The following ADGRB1 variants were observed in gnomAD, a reference collection of about 807,000 sequenced individuals.
The protein encoded by ADGRB1 is adhesion G protein-coupled receptor B1, also known as brain-specific angiogenesis inhibitor 1.
Under a neutral mutation model 175.7 loss-of-function variants are expected in ADGRB1, and 36 were observed. The ratio of observed to expected loss-of-function variants is 0.20; its 90% confidence interval spans 0.16 to 0.27. The LOEUF (loss-of-function observed/expected upper bound fraction) is 0.27. Ranked by LOEUF, ADGRB1 falls within the 10% of genes least tolerant of loss-of-function variation. The probability of loss-of-function intolerance (pLI) is 1.00; values close to 1 mark genes in which losing one functional copy is unlikely to be tolerated. For missense variants in ADGRB1, 1,731 were observed against 2,255.3 expected, an observed-to-expected ratio of 0.77 and a Z score of 4.71; for synonymous variants, 1,054 against 979.4, an observed-to-expected ratio of 1.08 and a Z score of -1.42.
In ADGRB1 at chr8:142,477,181, G is replaced by T; in HGVS notation, c.1125G>T (p.Gln375His). The change falls in exon 5 of 31, where the codon CAG becomes CAT. Residue 375 changes from glutamine to histidine, a missense_variant. Gln to His is a conservative substitution (Grantham distance 24). Coordinates refer to ENST00000517894, the MANE Select transcript of ADGRB1 (RefSeq NM_001702.3). ...VCSSTCGEGW[Q>H]TRTRFCVSSS... Reference sequence around the variant, plus strand: ...CCAGCACCTGCGGCGAGGGCTGGCAGACCCGCACGCGCTTCTGCGTGTCCT... The same window carrying T: ...CCAGCACCTGCGGCGAGGGCTGGCATACCCGCACGCGCTTCTGCGTGTCCT... 1 of 1,596,752 alleles carries T rather than the reference G, an allele frequency of 6.3e-7. No homozygotes were observed.
intron 11 of ADGRB1, 45 bp downstream of exon 11, chr8:142,481,756 G>C (rs1158843112): frequency 6.8e-7 from 1 of 1,461,650 alleles, no homozygotes; most frequent in South Asian, 1.4e-5. Flanking sequence ...TCGGGAAGGT[G>C]TCTGGGGAGC....
At position 142,542,693 on chromosome 8, in the gene ADGRB1, G is replaced by C. The variant is rs1490201701; in HGVS notation, c.4413+46G>C. On this transcript the variant is annotated intron_variant, in intron 28 of 30. Transcript: ENST00000517894. This position sits in a 1 kb window ranked among gnomAD's most constrained non-coding sequence, Gnocchi z 6.3. ...CCACACCCCAGCCAGCGAGGGCAGG[G>C]CTGCAGCAGCTGGGTCACCCCTGCT... The C allele has an allele frequency of 5.4e-6, 8 of 1,482,140 alleles. No homozygotes were observed. The highest frequency in any genetic ancestry group is 7.2e-6 in the Non-Finnish European group (8 of 1,106,370). The allele number at this position is 1,482,140 out of a possible 1,614,324, so 91.8% of individuals were successfully genotyped here.
Position 142,542,576 on chromosome 8 carries a change from C to T in ADGRB1, c.4342C>T (p.His1448Tyr). Reference protein sequence around the residue: ...SLGDPGEPAAHPGPSTGPSTK... With the variant: ...SLGDPGEPAAYPGPSTGPSTK... ...GGGGGATCCCGGGGAGCCTGCCGCC[C>T]ATCCGGGACCCAGCACGGGGCCCAG... Residue 1448 changes from histidine to tyrosine, a missense_variant, in exon 28 of 31, where the codon CAT becomes TAT. Physicochemically the swap from His to Tyr is moderately conservative, Grantham distance 83 (BLOSUM62 2). This residue lies in a region of ADGRB1 where 394 missense variants were observed against 410.2 expected (regional missense o/e 0.96). Coordinates refer to ENST00000517894, the MANE Select transcript of ADGRB1 (RefSeq NM_001702.3). The surrounding 1 kb of genome is among the most constrained non-coding windows in gnomAD (Gnocchi z 6.3). 2.6e-6 allele frequency: 4 copies of T among 1,535,012 alleles called. No homozygotes were observed. Among genetic ancestry groups the T allele is most frequent in the Non-Finnish European group, 3.5e-6 (4 of 1,140,864 alleles).
At chr8:142,454,881 T>C (rs1839570978) in intron 1 of ADGRB1, among the ~76,000 whole-genome samples, 2 of 152,126 alleles carry the variant, frequency 1.3e-5, no homozygotes, top group Non-Finnish European at 2.9e-5. Context: ...CACAGAGCCC[T>C]GGTCCTCTTG....
At chr8:142,539,285 A>T in intron 26 of ADGRB1, 89 bp from the exon 27 acceptor site, 1 of 1,358,370 alleles carries the variant, frequency 7.4e-7, no homozygotes, top group Non-Finnish European at 1.0e-6. Flanking sequence ...CAGCAGGAGC[A>T]CCGTGGCCCT....
intron 27 of ADGRB1, 103 bp downstream of exon 27, chr8:142,539,516 C>G: frequency 7.2e-7 from 1 of 1,381,114 alleles, no homozygotes; most frequent in African/African-American, 1.4e-5. Flanking sequence ...TCCCTGTCCA[C>G]TCCTGCTGCC....
chr8:142,539,598 A>AC (rs1326617410), intron 27 of ADGRB1, 185 bp downstream of exon 27: 1 of 664,222 alleles, frequency 1.5e-6, no homozygotes, highest in African/African-American at 1.9e-5. Flanking sequence ...CCAGCCTTCC[A>AC]CCCCCGTCCA....
At position 142,496,896 on chromosome 8, in the gene ADGRB1, C is replaced by T. The variant is rs571075430; in HGVS notation, c.2675+6081C>T. On this transcript the variant is annotated intron_variant, in intron 17 of 30. Coordinates refer to ENST00000517894, the MANE Select transcript of ADGRB1 (RefSeq NM_001702.3). ...ATGACCTGAGAAGTCCTGCAGGAGA[C>T]TCCTGTCCAACTGGGCTGGGAGTTT... Among the ~76,000 whole-genome samples the T allele has an allele frequency of 1.3e-4, 20 of 152,346 alleles. No individual in the cohort carries two copies. In the South Asian group the frequency reaches 4.1e-3, roughly 32 times the overall value.
At chr8:142,466,193 C>T (rs1840267615) in intron 2 of ADGRB1, among the ~76,000 whole-genome samples, 1 of 152,124 alleles carries the variant, frequency 6.6e-6, no homozygotes, top group Non-Finnish European at 1.5e-5. Flanking sequence ...TGAGGCTGGG[C>T]TGTATACTCA....
intron 1 of ADGRB1, among the ~76,000 whole-genome samples, chr8:142,458,647 A>G (rs1839807751): frequency 6.6e-6 from 1 of 151,940 alleles, no homozygotes; most frequent in Admixed American, 6.6e-5. Flanking sequence ...CTCTGCCCAG[A>G]GACCAGTGGC....
intron 12 of ADGRB1, 40 bp downstream of exon 12, chr8:142,484,085 G>A (rs1438926308): frequency 1.3e-6 from 2 of 1,579,656 alleles, no homozygotes; most frequent in Non-Finnish European, 1.7e-6. Flanking sequence ...CCTCAGGAGG[G>A]GTGCAGGCAC....
chr8:142,477,491 C>G lies in ADGRB1; in HGVS notation c.1329C>G (p.Gly443=), dbSNP rs756222087. The change falls in exon 6 of 31, where the codon GGC becomes GGG. Residue 443 remains glycine (G), a synonymous_variant. Coordinates refer to ENST00000517894, the MANE Select transcript of ADGRB1 (RefSeq NM_001702.3). ...CCTGCAGGCCCCCCCAGTTTGGGGG[C>G]AACCCCTGTGAGGGCCCTGAGAAGC... is the stretch of plus-strand genomic sequence containing the variant. ...TRTCRPPQFG[G]NPCEGPEKQT... is the part of the protein sequence containing the mutation. The G allele has an allele frequency of 4.3e-6, 7 of 1,613,194 alleles. No homozygotes were observed. Among genetic ancestry groups the G allele is most frequent in the Non-Finnish European group, 5.9e-6 (7 of 1,179,828 alleles).
rs73714320 is a variant in ADGRB1, at chr8:142,543,918, G to A, written c.4557+210G>A. On this transcript the variant is annotated intron_variant, in intron 30 of 30. Coordinates refer to ENST00000517894, the MANE Select transcript of ADGRB1 (RefSeq NM_001702.3). The surrounding 1 kb of genome is among the most constrained non-coding windows in gnomAD (Gnocchi z 4.4). ...GCCATACTGGGAGCTGAGCGGTCAC[G>A]AGCCTGCTCCTGGGGCCAGGGGTCT... Among the ~76,000 whole-genome samples the A allele has an allele frequency of 1.2e-3, 182 of 152,264 alleles. No homozygotes were observed. The highest frequency in any genetic ancestry group is 4.1e-3 in the African/African-American group (172 of 41,564).
intron 17 of ADGRB1, among the ~76,000 whole-genome samples, chr8:142,501,402 G>GGGTGGTGGTGGC (rs1842524738): frequency 1.5e-5 from 1 of 68,504 alleles, no homozygotes; most frequent in African/African-American, 5.7e-5. Context: ...GATGGAGGTG[G>GGGTGGTGGTGGC]GGTGGTGGTG....
chr8:142,533,298 C>T lies in ADGRB1; in HGVS notation c.3402C>T (p.Ala1134=), dbSNP rs1251812815. The part of the protein sequence containing the change: ...TDKKLKERAG[A]SLWSSCVVLP... ...CGCTGACACCCTCCATCCCCAGGGC[C>T]TCCCTGTGGAGCTCCTGCGTGGTGC... Residue 1134 remains alanine, a synonymous_variant, in exon 25 of 31, where the codon GCC becomes GCT. Coordinates refer to ENST00000517894, the MANE Select transcript of ADGRB1 (RefSeq NM_001702.3). 2.0e-6 allele frequency: 3 copies of T among 1,529,794 alleles called. No individual in the cohort carries two copies. Among genetic ancestry groups the T allele is most frequent in the Non-Finnish European group, 1.8e-6 (2 of 1,138,640 alleles). 94.8% of individuals were successfully genotyped at this position (1,529,794 alleles called of 1,614,324 possible).
chr8:142,458,835 T>C (rs1002516545), intron 1 of ADGRB1, among the ~76,000 whole-genome samples: 1 of 152,188 alleles, frequency 6.6e-6, no homozygotes, highest in African/African-American at 2.4e-5. Flanking sequence ...TCACTGTCCT[T>C]GGGAAGCTGA....
Position 142,475,471 on chromosome 8 carries a change from C to G in ADGRB1, c.785-3C>G, listed in dbSNP as rs757327474. On this transcript the variant is annotated splice_region_variant and splice_polypyrimidine_tract_variant and intron_variant, in intron 2 of 30. Transcript: ENST00000517894. Reference sequence around the variant, plus strand: ...TGATCCCCGCCCTCTGGTTTCCCCCCAGGCGGCTGGAAGCTGTGGTCCCTG... The same window carrying G: ...TGATCCCCGCCCTCTGGTTTCCCCCGAGGCGGCTGGAAGCTGTGGTCCCTG... 2 of 1,292,834 alleles carry G rather than the reference C, an allele frequency of 1.5e-6. No homozygotes were observed. Among genetic ancestry groups the G allele is most frequent in the Non-Finnish European group, 2.0e-6 (2 of 1,019,302 alleles). 80.1% of individuals were successfully genotyped at this position (1,292,834 alleles called of 1,614,324 possible).
chr8:142,504,057 C>T lies in ADGRB1; in HGVS notation c.2676-6875C>T, dbSNP rs891740228. ...CCAGCGTCATCTGGCAAGCTGGGTT[C>T]AGTAAGACCCAGGTCAGGCAGGTGT... On this transcript the variant is annotated intron_variant, in intron 17 of 30. Coordinates refer to ENST00000517894, the MANE Select transcript of ADGRB1 (RefSeq NM_001702.3). The surrounding 1 kb of genome is among the most constrained non-coding windows in gnomAD (Gnocchi z 5.6). 1.3e-5 allele frequency among the ~76,000 whole-genome samples: 2 copies of T among 152,194 alleles called. No homozygotes were observed. Among genetic ancestry groups the T allele is most frequent in the African/African-American group, 4.8e-5 (2 of 41,456 alleles).
rs1419976782 is a variant in ADGRB1 at position 142,537,427 on chromosome 8, C to G, written c.3666+345C>G. ...GTCCCCATCCTTACACCTCCCAGGC[C>G]CACCCTCAGTGCCCTCCATCCCCAC... On this transcript the variant is annotated intron_variant, in intron 26 of 30. Transcript: ENST00000517894. The surrounding 1 kb of genome is among the most constrained non-coding windows in gnomAD (Gnocchi z 4.6). Among the ~76,000 whole-genome samples, 1 of 152,044 alleles carries G rather than the reference C, an allele frequency of 6.6e-6. No homozygotes were observed. The highest frequency in any genetic ancestry group is 1.5e-5 in the Non-Finnish European group (1 of 67,992).
Sources: gnomAD v4.1 joint callset for allele counts (sites outside exome capture counted in the v4.1 genomes callset) on GRCh38, gnomAD v4.1.1 for gene constraint, gnomAD v4.1.1 regional missense constraint, Gnocchi (gnomAD v3.1) non-coding constraint, MANE v1.5 for transcripts, NCBI Gene and HGNC (gene_info 2026-07-23, HGNC 2026-07-21) for gene names.